The following RAD51AP2 variants were observed in gnomAD, a reference collection of about 807,000 sequenced individuals.
RAD51AP2 encodes the protein RAD51-associated protein 2.
In RAD51AP2, 67 loss-of-function variants were observed where a neutral mutation model predicts 85.5. The observed-to-expected ratio is 0.78, with a 90% CI of 0.64 to 0.96. RAD51AP2 has a LOEUF of 0.96. Ranked by LOEUF, RAD51AP2 falls within the 40% of genes least tolerant of loss-of-function variation. The pLI is 0.00. For missense variants in RAD51AP2, 1,307 were observed against 1,332.4 expected, an observed-to-expected ratio of 0.98 and a Z score of 0.30; for synonymous variants, 474 against 446.5, an observed-to-expected ratio of 1.06 and a Z score of -0.78.
the RAD51AP2 span, among the ~76,000 whole-genome samples, chr2:17,535,685 T>C: frequency 5.3e-5 from 8 of 152,156 alleles, no homozygotes; most frequent in East Asian, 1.5e-3. Flanking sequence ...GTCAAAGTGC[T>C]AGGCAGCACA....
At chr2:17,535,442 G>T in the RAD51AP2 span, among the ~76,000 whole-genome samples, 1 of 152,164 alleles carries the variant, frequency 6.6e-6, no homozygotes, top group Non-Finnish European at 1.5e-5. Context: ...ATTCAAGGAA[G>T]TGACGCGATT....
chr2:17,535,449 G>A, the RAD51AP2 span, among the ~76,000 whole-genome samples: 4 of 152,126 alleles, frequency 2.6e-5, no homozygotes, highest in African/African-American at 4.8e-5. Flanking sequence ...GAAGTGACGC[G>A]ATTTTACTTG....
intron 2 of RAD51AP2, among the ~76,000 whole-genome samples, chr2:17,513,237 CTTTT>C (rs11394351): frequency 1.8e-5 from 2 of 111,220 alleles, no homozygotes; most frequent in Admixed American, 1.0e-4. Context: ...TTAGTGTGTG[CTTTT>C]TTTTTTTTTT....
At chr2:17,512,767 TCA>T in intron 2 of RAD51AP2, among the ~76,000 whole-genome samples, 1 of 152,198 alleles carries the variant, frequency 6.6e-6, no homozygotes, top group African/African-American at 2.4e-5. Flanking sequence ...ACTTTTTGAC[TCA>T]TGGAGTATTG....
At position 17,515,814 on chromosome 2, in the gene RAD51AP2, C is replaced by T; in HGVS notation, c.2602G>A (p.Asp868Asn). The T allele has an allele frequency of 6.2e-7, 1 of 1,605,510 alleles. No individual in the cohort carries two copies. Among genetic ancestry groups the T allele is most frequent in the Middle Eastern group, 1.7e-4 (1 of 6,048 alleles). Residue 868 changes from aspartate to asparagine, a missense_variant, in exon 1 of 3, where the codon GAT becomes AAT. Transcript: ENST00000399080. ...ACTGACTGTACAGAAAACATGTCATCCATTGGAAAAAAACTATCTTTCTCT... is the reference window on the plus strand; with the variant it reads ...ACTGACTGTACAGAAAACATGTCATTCATTGGAAAAAAACTATCTTTCTCT... Reference protein sequence around the residue: ...KEEKDSFFPMDDMFSVQSVSL... With the variant: ...KEEKDSFFPMNDMFSVQSVSL...
chr2:17,517,995 C>G lies in RAD51AP2; in HGVS notation c.421G>C (p.Glu141Gln). 6.2e-7 allele frequency: 1 copy of G among 1,614,216 alleles called. No individual in the cohort carries two copies. The highest frequency in any genetic ancestry group is 1.7e-5 in the Admixed American group (1 of 60,026). Reference protein sequence around the residue: ...GRSEAGLHDREAFSVHRSNSS... With the variant: ...GRSEAGLHDRQAFSVHRSNSS... ...TTACTGCGGTGCACACTGAAAGCCT[C>G]TCTGTCATGCAGGCCTGCCTCAGAC... The change falls in exon 1 of 3, where the codon GAG (glutamate) becomes CAG (glutamine). Residue 141 changes from glutamate (E) to glutamine (Q), a missense_variant. Physicochemically the swap from Glu to Gln is conservative, Grantham distance 29 (BLOSUM62 2). Around this residue, in one of 3 missense-constraint regions of RAD51AP2, gnomAD observed 635 missense variants for 643.6 expected, o/e 0.99. Coordinates refer to ENST00000399080, the MANE Select transcript of RAD51AP2 (RefSeq NM_001099218.3).
Position 17,515,809 on chromosome 2 carries a change from G to A in RAD51AP2, c.2607C>T (p.Asp869=), listed in dbSNP as rs1165696501. 1 of 1,605,270 alleles carries A rather than the reference G, an allele frequency of 6.2e-7. No homozygotes were observed. The highest frequency in any genetic ancestry group is 1.7e-5 in the Admixed American group (1 of 59,286). ...ATGAAACTGACTGTACAGAAAACAT[G>A]TCATCCATTGGAAAAAAACTATCTT... ...EEKDSFFPMD[D]MFSVQSVSLI... is the part of the protein sequence containing the mutation. The change falls in exon 1 of 3, where the codon GAC becomes GAT. Residue 869 remains aspartate (D), a synonymous_variant. Coordinates refer to ENST00000399080, the MANE Select transcript of RAD51AP2 (RefSeq NM_001099218.3).
chr2:17,527,637 G>C, the RAD51AP2 span, among the ~76,000 whole-genome samples: 1 of 152,142 alleles, frequency 6.6e-6, no homozygotes, highest in East Asian at 1.9e-4. Flanking sequence ...GCTGCTTTGA[G>C]GGTAAGAAAT....
In RAD51AP2 at chr2:17,517,522, C is replaced by T. The variant is rs1450653428; in HGVS notation, c.894G>A (p.Trp298Ter). The change falls in exon 1 of 3, where the codon TGG (tryptophan) becomes TGA (stop). Residue 298 changes from tryptophan to a stop codon, truncating the protein, a stop_gained. Coordinates refer to ENST00000399080, the MANE Select transcript of RAD51AP2 (RefSeq NM_001099218.3). LOFTEE classifies it high-confidence loss of function. ...AYVRDFTNIYWSQNRPDVKKQ... is the reference protein window; with the variant it reads ...AYVRDFTNIY ...TCTTAACATCAGGTCTATTTTGGGA[C>T]CAGTAAATGTTTGTGAAATCCCTAA... 1 of 1,613,532 alleles carries T rather than the reference C, an allele frequency of 6.2e-7. No homozygotes were observed. Among genetic ancestry groups the T allele is most frequent in the East Asian group, 2.2e-5 (1 of 44,852 alleles).
chr2:17,528,048 G>T, the RAD51AP2 span, among the ~76,000 whole-genome samples: 2 of 152,124 alleles, frequency 1.3e-5, no homozygotes, highest in African/African-American at 4.8e-5. Flanking sequence ...ACTATCAGAT[G>T]ATACCTATAA....
rs1208759499 is a variant in RAD51AP2, at chr2:17,515,752, A to G, written c.2664T>C (p.Asn888=). 1.9e-6 allele frequency: 3 copies of G among 1,595,952 alleles called. No individual in the cohort carries two copies. Among genetic ancestry groups the G allele is most frequent in the Middle Eastern group, 1.7e-4 (1 of 5,974 alleles). ...TTACATAATTTTGATTAACATATTT[A>G]TTTTCTTCCACATTTACTTCCTTAC... is the stretch of plus-strand genomic sequence containing the variant. ...LISKEVNVEE[N]KYVNQNYVTN... Residue 888 remains asparagine, a synonymous_variant, in exon 1 of 3, where the codon AAT becomes AAC. Transcript: ENST00000399080.
At position 17,515,365 on chromosome 2, in the gene RAD51AP2, C is replaced by T; in HGVS notation, c.3051G>A (p.Leu1017=). ...GTATTTTGTTGACCACAACCATTTT[C>T]AAATCTTTTTCTATCTCCATTTTTA... ...EKVKMEIEKD[L]KMVVVNKIRA... is the part of the protein sequence containing the mutation. Residue 1017 remains leucine, a synonymous_variant, in exon 1 of 3, where the codon TTG becomes TTA. Coordinates refer to ENST00000399080, the MANE Select transcript of RAD51AP2 (RefSeq NM_001099218.3). The T allele has an allele frequency of 2.5e-6, 4 of 1,611,402 alleles. No homozygotes were observed. The highest frequency in any genetic ancestry group is 3.4e-6 in the Non-Finnish European group (4 of 1,179,290).
At chr2:17,537,074 C>T in the RAD51AP2 span, among the ~76,000 whole-genome samples, 1 of 152,224 alleles carries the variant, frequency 6.6e-6, no homozygotes, top group Admixed American at 6.5e-5. Context: ...AATCTCAGCA[C>T]TTTGGGAGGC....
chr2:17,532,043 G>A, the RAD51AP2 span, among the ~76,000 whole-genome samples: 4 of 150,630 alleles, frequency 2.7e-5, no homozygotes, highest in Non-Finnish European at 4.4e-5. Context: ...AAAAAAAGCC[G>A]GGGTGGGGGG....
In RAD51AP2 at chr2:17,517,903, T is replaced by A. The variant is rs1380517353; in HGVS notation, c.513A>T (p.Arg171Ser). The A allele has an allele frequency of 1.9e-6, 3 of 1,614,092 alleles. No individual in the cohort carries two copies. The highest frequency in any genetic ancestry group is 2.5e-6 in the Non-Finnish European group (3 of 1,180,044). Residue 171 changes from arginine to serine, a missense_variant, in exon 1 of 3, where the codon AGA becomes AGT. This residue lies in a region of RAD51AP2 where 635 missense variants were observed against 643.6 expected (regional missense o/e 0.99). Transcript: ENST00000399080. The part of the protein sequence containing the change: ...STSIHDIHGI[R>S]NENRKQQFVQ... ...CAAACTGTTGTTTTCGATTCTCATTTCTAATTCCATGTATATCGTGTATAG... is the reference window on the plus strand; with the variant it reads ...CAAACTGTTGTTTTCGATTCTCATTACTAATTCCATGTATATCGTGTATAG...
At chr2:17,518,525 T>G, upstream of RAD51AP2, 2 of 1,399,766 alleles carry the variant, frequency 1.4e-6, no homozygotes, top group Middle Eastern at 2.6e-4. Context: ...AGACCTGGCC[T>G]TAGCCTAATC....
At chr2:17,511,020 C>G (rs955559042) in intron 2 of RAD51AP2, 65 bp from the exon 3 acceptor site, 3 of 1,144,698 alleles carry the variant, frequency 2.6e-6, no homozygotes, top group Non-Finnish European at 3.6e-6. Context: ...ATCTTTACTT[C>G]TAATCATGAT....
At chr2:17,532,825 C>T in the RAD51AP2 span, among the ~76,000 whole-genome samples, 1 of 152,162 alleles carries the variant, frequency 6.6e-6, no homozygotes, top group Non-Finnish European at 1.5e-5. Flanking sequence ...AACAATTTAG[C>T]CAGCATGCAT....
Position 17,510,853 on chromosome 2 carries a change from T to C in RAD51AP2, c.3431A>G (p.His1144Arg). 6.2e-7 allele frequency: 1 copy of C among 1,606,822 alleles called. No individual in the cohort carries two copies. The highest frequency in any genetic ancestry group is 8.5e-7 in the Non-Finnish European group (1 of 1,175,746). The change falls in exon 3 of 3, where the codon CAT becomes CGT. Residue 1144 changes from histidine (H) to arginine (R), a missense_variant. Physicochemically the swap from His to Arg is conservative, Grantham distance 29 (BLOSUM62 0). Around this residue, in one of 3 missense-constraint regions of RAD51AP2, gnomAD observed 668 missense variants for 671.0 expected, o/e 1.00. Transcript: ENST00000399080. Reference sequence around the variant, plus strand: ...GTAACACATTTGTTTCAGATAAGGATGAAGTTGTTTAATCCTTGCTTTTCT... The same window carrying C: ...GTAACACATTTGTTTCAGATAAGGACGAAGTTGTTTAATCCTTGCTTTTCT... ...LSRKARIKQL[H>R]PYLKQMCYGN...
Sources: gnomAD v4.1 joint callset for allele counts (sites outside exome capture counted in the v4.1 genomes callset) on GRCh38, gnomAD v4.1.1 for gene constraint, gnomAD v4.1.1 regional missense constraint, MANE v1.5 for transcripts, NCBI Gene and HGNC (gene_info 2026-07-23, HGNC 2026-07-21) for gene names.